TTC17: variants seen among roughly 807,000 people sequenced by gnomAD.
TTC17 encodes the protein tetratricopeptide repeat protein 17.
In TTC17, 58 loss-of-function variants were observed where a neutral mutation model predicts 143.8. That is an observed-to-expected ratio of 0.40 (90% CI 0.33 to 0.50). TTC17 has a LOEUF of 0.50. Ranked by LOEUF, TTC17 falls within the 20% of genes least tolerant of loss-of-function variation. The probability of loss-of-function intolerance (pLI) is 0.49; values close to 1 mark genes in which losing one functional copy is unlikely to be tolerated. For missense variants in TTC17, 1,273 were observed against 1,392.5 expected, an observed-to-expected ratio of 0.91 and a Z score of 1.37; for synonymous variants, 501 against 497.8, an observed-to-expected ratio of 1.01 and a Z score of -0.09.
intron 5 of TTC17, among the ~76,000 whole-genome samples, chr11:43,392,561 C>G (rs1422702374): frequency 2.0e-5 from 3 of 152,108 alleles, no homozygotes; most frequent in African/African-American, 7.2e-5. Context: ...ATAATTGCCA[C>G]CTTTGTATAC....
intron 21 of TTC17, among the ~76,000 whole-genome samples, chr11:43,454,059 G>A (rs981915745): frequency 6.6e-6 from 1 of 152,058 alleles, no homozygotes; most frequent in Non-Finnish European, 1.5e-5. Context: ...ATCCTAAGTT[G>A]GGGATTGTTT....
Position 43,396,736 on chromosome 11 carries a change from A to G in TTC17, c.691A>G (p.Met231Val). ...KNTSSWVLYNMASFYWRIKNE... is the reference protein window; with the variant it reads ...KNTSSWVLYNVASFYWRIKNE... ...CACTTCCTCGTGGGTACTGTATAAC[A>G]TGGCTTCATTTTACTGGAGAATTAA... The change falls in exon 6 of 24, where the codon ATG (methionine) becomes GTG (valine). Residue 231 changes from methionine (M) to valine (V), a missense_variant. Physicochemically the swap from Met to Val is conservative, Grantham distance 21 (BLOSUM62 1). Coordinates refer to ENST00000039989, the MANE Select transcript of TTC17 (RefSeq NM_018259.6). 1 of 1,608,826 alleles carries G rather than the reference A, an allele frequency of 6.2e-7. No individual in the cohort carries two copies. Among genetic ancestry groups the G allele is most frequent in the South Asian group, 1.1e-5 (1 of 90,666 alleles).
chr11:43,412,358 T>C lies in TTC17; in HGVS notation c.2065-2232T>C, dbSNP rs1240826671. Among the ~76,000 whole-genome samples the C allele has an allele frequency of 2.0e-5, 3 of 151,880 alleles. No individual in the cohort carries two copies. The East Asian group carries it at 5.8e-4, about 29-fold the overall frequency. On this transcript the variant is annotated intron_variant, in intron 15 of 23. Coordinates refer to ENST00000039989, the MANE Select transcript of TTC17 (RefSeq NM_018259.6). ...AAAAAATTAGCCAAGTGTGGTGGTA[T>C]GCACCTGTACTCCTAGCTACTTGGG...
intron 2 of TTC17, among the ~76,000 whole-genome samples, chr11:43,382,968 C>T (rs755521751): frequency 2.6e-5 from 4 of 151,842 alleles, no homozygotes; most frequent in South Asian, 4.2e-4. Flanking sequence ...GGCATGAACA[C>T]GGCTCACTTC....
intron 1 of TTC17, among the ~76,000 whole-genome samples, chr11:43,367,325 T>C (rs969907515): frequency 6.6e-6 from 1 of 152,210 alleles, no homozygotes; most frequent in South Asian, 2.1e-4. Flanking sequence ...TCGCTGTCTT[T>C]GTACCAGTTT....
intron 21 of TTC17, among the ~76,000 whole-genome samples, chr11:43,458,699 T>C (rs1177002399): frequency 6.6e-6 from 1 of 152,152 alleles, no homozygotes; most frequent in African/African-American, 2.4e-5. Flanking sequence ...AGTCTACTTG[T>C]GTACAGTAGT....
chr11:43,370,536 C>A (rs1856523367), intron 1 of TTC17, among the ~76,000 whole-genome samples: 1 of 146,352 alleles, frequency 6.8e-6, no homozygotes, highest in Non-Finnish European at 1.5e-5. Flanking sequence ...TTTGTCATTA[C>A]AGTTTGTTTA....
At chr11:43,469,629 A>G (rs1190846654) in intron 21 of TTC17, among the ~76,000 whole-genome samples, 1 of 152,218 alleles carries the variant, frequency 6.6e-6, no homozygotes, top group Non-Finnish European at 1.5e-5. Flanking sequence ...AACTATATGA[A>G]ATTCCAGAAT....
chr11:43,412,782 G>T (rs905839784), intron 15 of TTC17, among the ~76,000 whole-genome samples: 2 of 152,102 alleles, frequency 1.3e-5, no homozygotes, highest in Non-Finnish European at 2.9e-5. Flanking sequence ...AGGCATTTTG[G>T]ATAAGGGATA....
chr11:43,425,881 C>T (rs187899780), intron 16 of TTC17, among the ~76,000 whole-genome samples: 233 of 152,266 alleles, frequency 1.5e-3, no homozygotes, highest in African/African-American at 5.3e-3. Context: ...TTTGTCTTCC[C>T]GTTTAGTTGC....
chr11:43,480,177 A>C (rs184589723), intron 21 of TTC17, among the ~76,000 whole-genome samples: 16 of 152,350 alleles, frequency 1.1e-4, no homozygotes, highest in South Asian at 6.2e-4. Flanking sequence ...CCATGTATTC[A>C]TTCACTCATT....
chr11:43,363,150 A>G (rs1337492249), intron 1 of TTC17, among the ~76,000 whole-genome samples: 3 of 152,180 alleles, frequency 2.0e-5, no homozygotes, highest in Non-Finnish European at 2.9e-5. Flanking sequence ...TAGCGTAATC[A>G]GGCCTGTGGC....
In TTC17 at chr11:43,462,921, C is replaced by CTTTTTTTTTTTTTTTTTTTTTT. The variant is rs562594929; in HGVS notation, c.3030+11668_3030+11669insTTTTTTTTTTTTTTTTTTTTTT. On this transcript the variant is annotated intron_variant, in intron 21 of 23. Coordinates refer to ENST00000039989, the MANE Select transcript of TTC17 (RefSeq NM_018259.6). ...CACTGAATCCAGCAGTGACAAAATT[C>CTTTTTTTTTTTTTTTTTTTTTT]TTTTTTTTTTTTGAGACAGAGTCTC... is the stretch of plus-strand genomic sequence containing the variant. Among the ~76,000 whole-genome samples the CTTTTTTTTTTTTTTTTTTTTTT allele has an allele frequency of 9.3e-5, 11 of 117,754 alleles. 1 individual carries two copies. The highest frequency in any genetic ancestry group is 1.2e-4 in the African/African-American group (3 of 24,770). The allele number at this position is 117,754 out of a possible 152,430, so 77.3% of individuals were successfully genotyped here.
At chr11:43,436,410 T>C (rs1419142728) in intron 16 of TTC17, 1 of 1,189,432 alleles carries the variant, frequency 8.4e-7, no homozygotes, top group Non-Finnish European at 1.1e-6. Context: ...TTTTCTCTAC[T>C]TTTAAGAATT....
chr11:43,478,735 C>T (rs1348921789), intron 21 of TTC17, among the ~76,000 whole-genome samples: 2 of 152,102 alleles, frequency 1.3e-5, no homozygotes, highest in African/African-American at 4.8e-5. Context: ...ATCCTCCCTG[C>T]CCCATCCCGC....
chr11:43,434,420 C>T (rs1008155312), intron 16 of TTC17, among the ~76,000 whole-genome samples: 3 of 152,160 alleles, frequency 2.0e-5, no homozygotes, highest in African/African-American at 7.2e-5. Flanking sequence ...CGGGGGGAAG[C>T]CTAGAAGCCT....
At chr11:43,362,728 G>A (rs1490812890) in intron 1 of TTC17, among the ~76,000 whole-genome samples, 1 of 152,150 alleles carries the variant, frequency 6.6e-6, no homozygotes, top group Non-Finnish European at 1.5e-5. Flanking sequence ...TGAGTAGGTG[G>A]GACTACAGGC....
intron 16 of TTC17, among the ~76,000 whole-genome samples, chr11:43,415,977 ACTTT>A (rs1181690427): frequency 1.3e-5 from 2 of 152,106 alleles, no homozygotes; most frequent in Non-Finnish European, 2.9e-5. Context: ...CTCTGCCATT[ACTTT>A]CTTTTTTATT....
intron 17 of TTC17, 62 bp from the exon 18 acceptor site, chr11:43,443,994 A>G (rs776315919): frequency 2.6e-6 from 4 of 1,519,128 alleles, no homozygotes; most frequent in Non-Finnish European, 3.5e-6. Context: ...ACTAGTATTC[A>G]CAAATCATTG....
Sources: gnomAD v4.1 joint callset for allele counts (sites outside exome capture counted in the v4.1 genomes callset) on GRCh38, gnomAD v4.1.1 for gene constraint, MANE v1.5 for transcripts, NCBI Gene and HGNC (gene_info 2026-07-23, HGNC 2026-07-21) for gene names.